ARGFX: variants seen among roughly 807,000 people sequenced by gnomAD.
ARGFX encodes arginine-fifty homeobox.
ARGFX carries 10 observed loss-of-function variants against 8.0 expected under a neutral mutation model. The observed-to-expected ratio is 1.25, with a 90% CI of 0.77 to 2.12. The LOEUF is 2.12. Ranked by LOEUF, ARGFX falls within the 30% of genes most tolerant of loss-of-function variation. The pLI, the probability that ARGFX is intolerant of heterozygous loss-of-function variation, is 0.00. For missense variants in ARGFX, 282 were observed against 324.3 expected (o/e 0.87, Z 1.00); for synonymous variants, 116 against 117.8 (o/e 0.98, Z 0.10).
intron 3 of ARGFX, among the ~76,000 whole-genome samples, chr3:121,578,120 CT>C (rs35072728): frequency 3.7e-4 from 42 of 113,096 alleles, no homozygotes; most frequent in Middle Eastern, 5.7e-3. Context: ...CCCTACCCCA[CT>C]TTTTTTTTTT....
At chr3:121,577,259 A>ATATATATATATATATAT (rs1403064031) in intron 3 of ARGFX, among the ~76,000 whole-genome samples, 1 of 59,644 alleles carries the variant, frequency 1.7e-5, no homozygotes, top group East Asian at 6.9e-4. Context: ...ATATATATAT[A>ATATATATATATATATAT]TTTTTTTTTT....
chr3:121,577,240 T>TCTACATGTAC (rs1484103144), intron 3 of ARGFX, among the ~76,000 whole-genome samples: 108 of 65,712 alleles, frequency 1.6e-3, no homozygotes, highest in African/African-American at 4.0e-3. Context: ...TATATATATA[T>TCTACATGTAC]ATATATATAT....
At chr3:121,573,848 C>CA (rs35593006) in intron 2 of ARGFX, among the ~76,000 whole-genome samples, 2,324 of 57,188 alleles carry the variant, frequency 0.041, 25 homozygotes, top group African/African-American at 0.056. Flanking sequence ...AACTCCATCT[C>CA]AAAAAAAAAA....
chr3:121,574,910 G>C lies in ARGFX; in HGVS notation c.104-1874G>C, dbSNP rs145765133. ...GAACATGGTGAGAACTGAGAGAACA[G>C]AAGAAAGTTCAGAAAATTGATATGT... On this transcript the variant is annotated intron_variant, in intron 2 of 4. Coordinates refer to ENST00000334384, the MANE Select transcript of ARGFX (RefSeq NM_001012659.2). 3.9e-5 allele frequency among the ~76,000 whole-genome samples: 6 copies of C among 152,334 alleles called. No homozygotes were observed. In the East Asian group the frequency reaches 1.2e-3, roughly 29 times the overall value.
At chr3:121,575,973 G>T (rs1262990720) in intron 2 of ARGFX, among the ~76,000 whole-genome samples, 1 of 151,814 alleles carries the variant, frequency 6.6e-6, no homozygotes, top group African/African-American at 2.4e-5. Context: ...AAAGAGAAAA[G>T]GAAGAGGAAA....
intron 3 of ARGFX, among the ~76,000 whole-genome samples, chr3:121,577,943 A>G (rs562865552): frequency 6.6e-6 from 1 of 151,578 alleles, no homozygotes; most frequent in East Asian, 2.0e-4. Flanking sequence ...TTGCCACCAT[A>G]TCTGGCTAAT....
In ARGFX at chr3:121,585,051, G is replaced by T. The variant is rs2048803089; in HGVS notation, c.355G>T (p.Glu119Ter). The change falls in exon 4 of 5, where the codon GAG becomes TAG. Residue 119 changes from glutamate (E) to a stop codon, truncating the protein, a stop_gained. Coordinates refer to ENST00000334384, the MANE Select transcript of ARGFX (RefSeq NM_001012659.2). LOFTEE classifies it low-confidence loss of function (END_TRUNC). ...EKLALRLDLPESTVKVWFRNR... is the reference protein window; with the variant it reads ...EKLALRLDLP ...ACTAGCTTTGAGACTCGACCTACCG[G>T]AGTCAACAGTAAAGGTCTGATCCCC... 1 of 1,613,732 alleles carries T rather than the reference G, an allele frequency of 6.2e-7. No homozygotes were observed. Among genetic ancestry groups the T allele is most frequent in the Admixed American group, 1.7e-5 (1 of 59,986 alleles).
intron 2 of ARGFX, among the ~76,000 whole-genome samples, chr3:121,575,186 G>A (rs956550416): frequency 3.9e-5 from 6 of 152,126 alleles, no homozygotes; most frequent in African/African-American, 1.4e-4. Context: ...TGAGCGTGGT[G>A]GCGTGTGCCT....
intron 2 of ARGFX, among the ~76,000 whole-genome samples, chr3:121,571,854 T>G (rs1576440186): frequency 6.7e-6 from 1 of 149,904 alleles, no homozygotes; most frequent in Non-Finnish European, 1.5e-5. Context: ...TGAGATGGAG[T>G]TTCCGCTCTT....
At chr3:121,575,594 G>T (rs1185023734) in intron 2 of ARGFX, among the ~76,000 whole-genome samples, 1 of 152,114 alleles carries the variant, frequency 6.6e-6, no homozygotes, top group Non-Finnish European at 1.5e-5. Context: ...CATCACTTCA[G>T]AGTGTCACTC....
chr3:121,577,259 A>ATATATTTTTT lies in ARGFX; in HGVS notation c.220+360_220+361insATATTTTTTT, dbSNP rs1403064031. 1.4e-3 allele frequency among the ~76,000 whole-genome samples: 83 copies of ATATATTTTTT among 59,564 alleles called. 1 individual carries two copies. The highest frequency in any genetic ancestry group is 4.8e-3 in the African/African-American group (77 of 16,026). 39.1% of individuals were successfully genotyped at this position (59,564 alleles called of 152,430 possible). A position where few individuals can be genotyped will look rare whatever the true frequency, so the allele number is the denominator to read the frequency against. ...TATATATATATATATATATATATAT[A>ATATATTTTTT]TTTTTTTTTTTTTAAATGGAGTCTC... On this transcript the variant is annotated intron_variant, in intron 3 of 4. Coordinates refer to ENST00000334384, the MANE Select transcript of ARGFX (RefSeq NM_001012659.2).
At chr3:121,580,325 T>C (rs558257915) in intron 3 of ARGFX, among the ~76,000 whole-genome samples, 2 of 152,046 alleles carry the variant, frequency 1.3e-5, no homozygotes, top group South Asian at 4.2e-4. Flanking sequence ...GTATTTTTAG[T>C]AGAGATGGAG....
intron 3 of ARGFX, among the ~76,000 whole-genome samples, chr3:121,578,783 G>C (rs2048759662): frequency 1.3e-5 from 2 of 149,838 alleles, no homozygotes; most frequent in Admixed American, 1.3e-4. Context: ...CCATTCTCCT[G>C]CCTCAGCCTC....
intron 3 of ARGFX, among the ~76,000 whole-genome samples, chr3:121,579,461 A>T (rs2108837199): frequency 6.6e-6 from 1 of 152,146 alleles, no homozygotes; most frequent in Non-Finnish European, 1.5e-5. Flanking sequence ...GTGACTCCTC[A>T]GCCACATATT....
At chr3:121,582,280 C>A (rs930454318) in intron 3 of ARGFX, among the ~76,000 whole-genome samples, 3 of 152,082 alleles carry the variant, frequency 2.0e-5, no homozygotes, top group African/African-American at 7.2e-5. Context: ...ATTCCACAGA[C>A]ACATTCCAGA....
At chr3:121,577,621 C>A (rs2108836561) in intron 3 of ARGFX, among the ~76,000 whole-genome samples, 1 of 152,048 alleles carries the variant, frequency 6.6e-6, no homozygotes, top group Middle Eastern at 3.4e-3. Context: ...GTGACATACT[C>A]TAAACTAAAA....
In ARGFX at chr3:121,587,195, G is replaced by C. The variant is rs1266832941; in HGVS notation, c.*595G>C. 6.6e-6 allele frequency among the ~76,000 whole-genome samples: 1 copy of C among 152,130 alleles called. No individual in the cohort carries two copies. Among genetic ancestry groups the C allele is most frequent in the African/African-American group, 2.4e-5 (1 of 41,436 alleles). On this transcript the variant is annotated 3_prime_UTR_variant, in exon 5 of 5. Transcript: ENST00000334384. ...GCCTCCTGAGTAGCTGGGATTACAGGCGTGTGCCACCATGCCTGGCTAACT... is the reference window on the plus strand; with the variant it reads ...GCCTCCTGAGTAGCTGGGATTACAGCCGTGTGCCACCATGCCTGGCTAACT...
intron 4 of ARGFX, among the ~76,000 whole-genome samples, chr3:121,585,447 C>A (rs1204234828): frequency 6.6e-6 from 1 of 152,094 alleles, no homozygotes; most frequent in Non-Finnish European, 1.5e-5. Context: ...ATAATGCTAC[C>A]AACAGACAAA....
chr3:121,586,625 A>G lies in ARGFX; in HGVS notation c.*25A>G, dbSNP rs753978095. On this transcript the variant is annotated 3_prime_UTR_variant, in exon 5 of 5. Coordinates refer to ENST00000334384, the MANE Select transcript of ARGFX (RefSeq NM_001012659.2). ...ACCAGAGTACTAATAAATATAGATC[A>G]TTTAGAAAAGTGGTCTTCTTGCCTC... 1.3e-6 allele frequency: 2 copies of G among 1,562,568 alleles called. No individual in the cohort carries two copies. The highest frequency in any genetic ancestry group is 2.4e-5 in the South Asian group (2 of 84,280).
Sources: allele counts gnomAD v4.1 joint callset (sites outside exome capture counted in the v4.1 genomes callset), GRCh38; gene constraint gnomAD v4.1.1; transcripts MANE v1.5; gene names NCBI Gene and HGNC (gene_info 2026-07-23, HGNC 2026-07-21).